Variants in ZMIZ1 observed in about 807,000 individuals in gnomAD.
ZMIZ1 encodes the protein zinc finger MIZ-type containing 1.
ZMIZ1 carries 17 observed loss-of-function variants against 113.9 expected under a neutral mutation model. The ratio of observed to expected loss-of-function variants is 0.15; its 90% confidence interval spans 0.10 to 0.22. ZMIZ1 has a LOEUF of 0.22. Ranked by LOEUF, ZMIZ1 falls within the 10% of genes least tolerant of loss-of-function variation. ZMIZ1 has a pLI of 1.00. For synonymous variants in ZMIZ1, 607 were observed against 603.1 expected, an observed-to-expected ratio of 1.01 and a Z score of -0.09; for missense variants, 1,059 against 1,477.8, an observed-to-expected ratio of 0.72 and a Z score of 4.65.
chr10:79,107,003 T>A (rs1843583385), intron 1 of ZMIZ1, among the ~76,000 whole-genome samples: 1 of 152,266 alleles, frequency 6.6e-6, no homozygotes, highest in Admixed American at 6.5e-5. Flanking sequence ...TCATGCTTTT[T>A]GATCATTTTC....
chr10:79,176,656 C>T (rs1846880964), intron 4 of ZMIZ1, among the ~76,000 whole-genome samples: 1 of 150,106 alleles, frequency 6.7e-6, no homozygotes, highest in Admixed American at 6.6e-5. Context: ...TGGCAAGGAC[C>T]TGCTTGATAG....
rs1010222666 is a variant in ZMIZ1, at chr10:79,267,290, A to G, written c.281-9891A>G. The stretch of plus-strand genomic sequence containing the variant: ...GTGAAGGGGTGGTGTGAGGCTGGGC[A>G]CTCCTGAGCATCTGCATGATTTTCT... On this transcript the variant is annotated intron_variant, in intron 7 of 24. Transcript: ENST00000334512. Among the ~76,000 whole-genome samples, 148 of 152,232 alleles carry G rather than the reference A, an allele frequency of 9.7e-4. 2 individuals carry two copies. The highest frequency in any genetic ancestry group is 1.6e-4 in the Non-Finnish European group (11 of 67,994).
intron 20 of ZMIZ1, 129 bp from the exon 21 acceptor site, chr10:79,305,404 C>T: frequency 1.6e-6 from 2 of 1,234,618 alleles, no homozygotes; most frequent in Non-Finnish European, 2.4e-6. Context: ...GGTCAGAGTC[C>T]CCCTCTCTTG....
At chr10:79,119,942 G>A (rs765868910) in intron 2 of ZMIZ1, among the ~76,000 whole-genome samples, 10 of 145,772 alleles carry the variant, frequency 6.9e-5, no homozygotes, top group Non-Finnish European at 9.1e-5. Flanking sequence ...TACCAACTGC[G>A]GTGCAAGGGA....
At chr10:79,304,548 G>A (rs1179445329) in intron 19 of ZMIZ1, among the ~76,000 whole-genome samples, 2 of 152,234 alleles carry the variant, frequency 1.3e-5, no homozygotes, top group Non-Finnish European at 2.9e-5. Context: ...GCCCTGGCGT[G>A]AGTGACAGCC....
In ZMIZ1 at chr10:79,255,071, C is replaced by T. The variant is rs1187300108; in HGVS notation, c.281-22110C>T. Among the ~76,000 whole-genome samples the T allele has an allele frequency of 3.3e-5, 5 of 152,328 alleles. No individual in the cohort carries two copies. In the East Asian group the frequency reaches 7.7e-4, roughly 24 times the overall value. ...GGATGCCTGTGGCCGCCCTGGGAGA[C>T]GTTGCCCTCCACCCAGCCCAAGCCG... On this transcript the variant is annotated intron_variant, in intron 7 of 24. Transcript: ENST00000334512.
chr10:79,180,356 A>G (rs1847065717), intron 4 of ZMIZ1, among the ~76,000 whole-genome samples: 2 of 152,126 alleles, frequency 1.3e-5, no homozygotes, highest in African/African-American at 4.8e-5. Context: ...TGTGGGGGTG[A>G]CCACAGAGGG....
Position 79,305,577 on chromosome 10 carries a change from G to C in ZMIZ1, c.2399G>C (p.Trp800Ser). The change falls in exon 21 of 25, where the codon TGG becomes TCG. Residue 800 changes from tryptophan (W) to serine (S), a missense_variant. By Grantham distance (177) the Trp-to-Ser change is radical. Transcript: ENST00000334512. ...LEGLEVDQYM[W>S]GILNAIQHSE... ...GGCCTGGAGGTGGATCAGTACATGT[G>C]GGGAATCCTGAATGCCATCCAACAG... 1 of 1,614,094 alleles carries C rather than the reference G, an allele frequency of 6.2e-7. No homozygotes were observed. The highest frequency in any genetic ancestry group is 8.5e-7 in the Non-Finnish European group (1 of 1,180,004).
At chr10:79,242,415 G>C (rs2132837924) in intron 7 of ZMIZ1, among the ~76,000 whole-genome samples, 1 of 152,296 alleles carries the variant, frequency 6.6e-6, no homozygotes, top group Non-Finnish European at 1.5e-5. Context: ...CTCGCTCGGG[G>C]AATCCCGGGG....
In ZMIZ1 at chr10:79,081,028, C is replaced by G. The variant is rs148118038; in HGVS notation, c.-337+11758C>G. On this transcript the variant is annotated intron_variant, in intron 1 of 24. Transcript: ENST00000334512. ...ATGACTTATGCCCCATCTACGCTAT[C>G]CCCATAGAGCACCTTCCCATGTGGG... Among the ~76,000 whole-genome samples the G allele has an allele frequency of 3.1e-3, 477 of 152,276 alleles. 5 individuals carry two copies. Among genetic ancestry groups the G allele is most frequent in the Non-Finnish European group, 3.7e-3 (252 of 68,010 alleles).
intron 23 of ZMIZ1, 48 bp from the exon 24 acceptor site, chr10:79,310,876 G>A (rs1855102486): frequency 1.9e-6 from 3 of 1,574,278 alleles, no homozygotes; most frequent in Non-Finnish European, 1.7e-6. Context: ...TCATCGCCGT[G>A]CCTCCTCACC....
At chr10:79,142,953 C>A (rs1327173893) in intron 3 of ZMIZ1, among the ~76,000 whole-genome samples, 1 of 152,146 alleles carries the variant, frequency 6.6e-6, no homozygotes, top group African/African-American at 2.4e-5. Flanking sequence ...CTTCCCAGGC[C>A]GCGAGTGAGT....
chr10:79,206,148 C>T (rs972515958), intron 5 of ZMIZ1, among the ~76,000 whole-genome samples: 1 of 151,638 alleles, frequency 6.6e-6, no homozygotes, highest in Non-Finnish European at 1.5e-5. Context: ...TTGATGTTTT[C>T]TTCAGCAATG....
intron 7 of ZMIZ1, among the ~76,000 whole-genome samples, chr10:79,240,024 G>A (rs1367119393): frequency 1.3e-5 from 2 of 152,120 alleles, no homozygotes; most frequent in Non-Finnish European, 2.9e-5. Context: ...CGGCTGCAGC[G>A]CCGTGATTTA....
At chr10:79,260,804 G>A (rs1851217325) in intron 7 of ZMIZ1, among the ~76,000 whole-genome samples, 1 of 152,200 alleles carries the variant, frequency 6.6e-6, no homozygotes, top group South Asian at 2.1e-4. Context: ...AAAAGTAATT[G>A]TATTAATTAA....
intron 3 of ZMIZ1, among the ~76,000 whole-genome samples, chr10:79,153,935 G>A (rs1337608175): frequency 1.3e-5 from 2 of 152,234 alleles, no homozygotes; most frequent in African/African-American, 2.4e-5. Flanking sequence ...TTTGGGAAGC[G>A]TGACCGCCAG....
intron 1 of ZMIZ1, among the ~76,000 whole-genome samples, chr10:79,116,939 G>A (rs1844059965): frequency 6.6e-6 from 1 of 152,216 alleles, no homozygotes; most frequent in Non-Finnish European, 1.5e-5. Context: ...CACCATTTAT[G>A]AAACCTCACA....
At chr10:79,144,392 C>T (rs542125750) in intron 3 of ZMIZ1, among the ~76,000 whole-genome samples, 1 of 152,340 alleles carries the variant, frequency 6.6e-6, no homozygotes, top group East Asian at 1.9e-4. Context: ...GACTGCCTCC[C>T]CACTGGCCCC....
chr10:79,231,917 G>T (rs913700671), intron 7 of ZMIZ1, among the ~76,000 whole-genome samples: 3 of 152,230 alleles, frequency 2.0e-5, no homozygotes, highest in African/African-American at 7.2e-5. Flanking sequence ...CTCCTGTGCA[G>T]CTAGTCCAGT....
Sources: gnomAD v4.1 joint callset for allele counts (sites outside exome capture counted in the v4.1 genomes callset) on GRCh38, gnomAD v4.1.1 for gene constraint, MANE v1.5 for transcripts, NCBI Gene and HGNC (gene_info 2026-07-23, HGNC 2026-07-21) for gene names.